The following DPP10 variants were observed in gnomAD, a reference collection of about 807,000 sequenced individuals.
The protein encoded by DPP10 is inactive dipeptidyl peptidase 10.
Under a neutral mutation model 120.9 loss-of-function variants are expected in DPP10, and 33 were observed. The observed-to-expected ratio is 0.27, with a 90% CI of 0.21 to 0.37. DPP10 has a LOEUF of 0.37. Ranked by LOEUF, DPP10 falls within the 10% of genes least tolerant of loss-of-function variation. The probability of loss-of-function intolerance (pLI) is 1.00; values close to 1 mark genes in which losing one functional copy is unlikely to be tolerated. For missense variants in DPP10, 816 were observed against 942.8 expected (o/e 0.87, Z 1.76); for synonymous variants, 337 against 326.1 (o/e 1.03, Z -0.36).
At chr2:115,713,788 C>T (rs915477161) in intron 7 of DPP10, among the ~76,000 whole-genome samples, 2 of 152,106 alleles carry the variant, frequency 1.3e-5, no homozygotes, top group Non-Finnish European at 2.9e-5. Flanking sequence ...ATTACTTTTA[C>T]ATTCTCAGGA....
chr2:114,563,159 G>T (rs1041683717), intron 1 of DPP10, among the ~76,000 whole-genome samples: 2 of 152,170 alleles, frequency 1.3e-5, no homozygotes, highest in Non-Finnish European at 2.9e-5. Flanking sequence ...GGATCATAAG[G>T]TCAAGAGATG....
chr2:115,604,603 A>G (rs2083574814), intron 5 of DPP10, among the ~76,000 whole-genome samples: 1 of 152,068 alleles, frequency 6.6e-6, no homozygotes, highest in African/African-American at 2.4e-5. Context: ...ACTCAGATTT[A>G]CCCTACCTTC....
intron 5 of DPP10, among the ~76,000 whole-genome samples, chr2:115,594,582 G>C (rs1240585526): frequency 2.0e-5 from 3 of 152,126 alleles, no homozygotes; most frequent in Non-Finnish European, 4.4e-5. Flanking sequence ...TCCAGTGAAA[G>C]TTCTGGAAGT....
intron 1 of DPP10, among the ~76,000 whole-genome samples, chr2:115,004,344 AC>A (rs1701655308): frequency 6.6e-6 from 1 of 152,256 alleles, no homozygotes; most frequent in Non-Finnish European, 1.5e-5. Context: ...TATAGAAAAG[AC>A]AAATATCTAG....
At chr2:114,593,900 G>T (rs1320851921) in intron 1 of DPP10, among the ~76,000 whole-genome samples, 1 of 152,172 alleles carries the variant, frequency 6.6e-6, no homozygotes, top group Admixed American at 6.5e-5. Flanking sequence ...CCTCACTGCT[G>T]TTTGCTGCGG....
intron 3 of DPP10, among the ~76,000 whole-genome samples, chr2:115,356,171 G>T (rs1313598959): frequency 2.0e-5 from 3 of 152,110 alleles, no homozygotes; most frequent in Admixed American, 1.3e-4. Flanking sequence ...CACAATGTTG[G>T]TTCTTCCTGT....
At chr2:115,521,134 G>A (rs2077780120) in intron 4 of DPP10, among the ~76,000 whole-genome samples, 1 of 152,164 alleles carries the variant, frequency 6.6e-6, no homozygotes, top group African/African-American at 2.4e-5. Flanking sequence ...AGGTGGTATA[G>A]CAAGTAGAGA....
At chr2:114,932,518 C>A (rs1419888372) in intron 1 of DPP10, among the ~76,000 whole-genome samples, 1 of 151,994 alleles carries the variant, frequency 6.6e-6, no homozygotes, top group Non-Finnish European at 1.5e-5. Flanking sequence ...AATTTACAGA[C>A]AATATTTTGA....
At chr2:114,684,876 T>C (rs1573963042) in intron 1 of DPP10, among the ~76,000 whole-genome samples, 2 of 152,040 alleles carry the variant, frequency 1.3e-5, no homozygotes, top group South Asian at 2.1e-4. Context: ...GTTTGTAGAA[T>C]TGAGGAGATG....
chr2:114,927,912 T>A (rs927100737), intron 1 of DPP10, among the ~76,000 whole-genome samples: 1 of 151,378 alleles, frequency 6.6e-6, no homozygotes, highest in Non-Finnish European at 1.5e-5. Flanking sequence ...GTAGGGGGAG[T>A]AGGGGGAGGT....
intron 15 of DPP10, among the ~76,000 whole-genome samples, chr2:115,779,786 A>G (rs1682528739): frequency 6.6e-6 from 1 of 151,958 alleles, no homozygotes; most frequent in South Asian, 2.1e-4. Context: ...ATTTTATAAA[A>G]TGAAAAAAAA....
chr2:114,607,644 T>C (rs1692927202), intron 1 of DPP10, among the ~76,000 whole-genome samples: 1 of 152,190 alleles, frequency 6.6e-6, no homozygotes, highest in Non-Finnish European at 1.5e-5. Context: ...TCTGGGAATA[T>C]GCAGAAGGCT....
intron 5 of DPP10, among the ~76,000 whole-genome samples, chr2:115,685,034 G>C (rs1360803465): frequency 6.6e-6 from 1 of 151,886 alleles, no homozygotes; most frequent in Non-Finnish European, 1.5e-5. Context: ...ATTGTAATCA[G>C]GCAGATCTTG....
At chr2:115,021,740 A>G (rs1291837803) in intron 1 of DPP10, among the ~76,000 whole-genome samples, 1 of 152,040 alleles carries the variant, frequency 6.6e-6, no homozygotes. Context: ...ATCACTGATC[A>G]ATGCAAAATC....
At chr2:115,178,828 C>T (rs1362946019) in intron 1 of DPP10, among the ~76,000 whole-genome samples, 1 of 152,114 alleles carries the variant, frequency 6.6e-6, no homozygotes, top group Non-Finnish European at 1.5e-5. Flanking sequence ...CCTGACATAA[C>T]CATTGTAAAT....
At chr2:114,762,512 G>A (rs1463783314) in intron 1 of DPP10, among the ~76,000 whole-genome samples, 1 of 152,160 alleles carries the variant, frequency 6.6e-6, no homozygotes, top group Admixed American at 6.5e-5. Context: ...TTGGAAGATG[G>A]CTTTAAATGC....
At chr2:115,813,143 G>A (rs1262110751) in intron 19 of DPP10, among the ~76,000 whole-genome samples, 19 of 150,966 alleles carry the variant, frequency 1.3e-4, no homozygotes, top group African/African-American at 2.9e-4. Flanking sequence ...CACCGCGCCC[G>A]GCTAATTTTT....
chr2:115,261,447 G>A (rs1040531426), intron 1 of DPP10, among the ~76,000 whole-genome samples: 4 of 152,314 alleles, frequency 2.6e-5, no homozygotes, highest in Admixed American at 1.3e-4. Flanking sequence ...CCTTGGCATC[G>A]TGAGGAATTC....
intron 1 of DPP10, among the ~76,000 whole-genome samples, chr2:115,010,549 T>C (rs527994703): frequency 2.0e-5 from 3 of 151,626 alleles, no homozygotes; most frequent in African/African-American, 7.3e-5. Context: ...TATGTATGTG[T>C]ATATATATAT....
Sources: allele counts gnomAD v4.1 joint callset (sites outside exome capture counted in the v4.1 genomes callset), GRCh38; gene constraint gnomAD v4.1.1; transcripts MANE v1.5; gene names NCBI Gene and HGNC (gene_info 2026-07-23, HGNC 2026-07-21).